The following KIRREL3 variants were observed in gnomAD, a reference collection of about 807,000 sequenced individuals.
KIRREL3 encodes the protein kirre like nephrin family adhesion molecule 3.
In KIRREL3, 36 loss-of-function variants were observed where a neutral mutation model predicts 89.7. The observed-to-expected ratio is 0.40, with a 90% CI of 0.31 to 0.53. The LOEUF (loss-of-function observed/expected upper bound fraction) is 0.53. Among genes scored for constraint, KIRREL3 ranks in the 20% least tolerant of loss-of-function variants. The pLI is 0.49. For synonymous variants in KIRREL3, 445 were observed against 441.4 expected (o/e 1.01, Z -0.10); for missense variants, 864 against 1,056.6 (o/e 0.82, Z 2.53).
chr11:126,761,001 A>G lies in KIRREL3; in HGVS notation c.56-198089T>C, dbSNP rs1028879743. On this transcript the variant is annotated intron_variant, in intron 1 of 16. Transcript: ENST00000525144. This position sits in a 1 kb window ranked among gnomAD's most constrained non-coding sequence, Gnocchi z 4.4. ...TCCACTGACACCCTCCAGGACAGAT[A>G]CCGTTAAACATAAATGAAAGAGGGA... Among the ~76,000 whole-genome samples, 1 of 152,212 alleles carries G rather than the reference A, an allele frequency of 6.6e-6. No homozygotes were observed. Among genetic ancestry groups the G allele is most frequent in the Non-Finnish European group, 1.5e-5 (1 of 68,042 alleles).
At chr11:126,540,328 A>G (rs887182219) in intron 2 of KIRREL3, among the ~76,000 whole-genome samples, 4 of 152,184 alleles carry the variant, frequency 2.6e-5, no homozygotes, top group African/African-American at 9.6e-5. Context: ...TGCTCTTCCC[A>G]GGGCTGGATG....
intron 1 of KIRREL3, among the ~76,000 whole-genome samples, chr11:126,781,636 T>G (rs999632370): frequency 2.6e-5 from 4 of 152,236 alleles, no homozygotes; most frequent in African/African-American, 9.6e-5. Flanking sequence ...TAAAAACATT[T>G]ATTCTCTTAC....
At position 126,656,204 on chromosome 11, in the gene KIRREL3, GACTCCGAAGTCAGA is replaced by G. The variant is rs1945129989; in HGVS notation, c.56-93306_56-93293del. The G allele has an allele frequency of 2.2e-6, 1 of 455,944 alleles. No homozygotes were observed. The highest frequency in any genetic ancestry group is 4.4e-6 in the Non-Finnish European group (1 of 226,862). The allele number at this position is 455,944 out of a possible 1,614,324, so 28.2% of individuals were successfully genotyped here. ...AGGTCAGGGAGGGCTACAGAGTTAG[GACTCCGAAGTCAGA>G]AAGATGCCTGTTGGTTCTGCCGTTC... On this transcript the variant is annotated intron_variant, in intron 1 of 16. Transcript: ENST00000525144. This position sits in a 1 kb window ranked among gnomAD's most constrained non-coding sequence, Gnocchi z 4.0.
chr11:126,478,744 AGT>A (rs368396850), intron 4 of KIRREL3, among the ~76,000 whole-genome samples: 1,529 of 151,002 alleles, frequency 0.01, 15 homozygotes, highest in African/African-American at 0.03. Flanking sequence ...TGTGTATGTA[AGT>A]GTGTGTGTGT....
chr11:126,500,573 C>T (rs1158386068), intron 4 of KIRREL3, among the ~76,000 whole-genome samples: 1 of 152,128 alleles, frequency 6.6e-6, no homozygotes, highest in Admixed American at 6.5e-5. Flanking sequence ...AACCCCGTCT[C>T]TACAAAAAGT....
intron 1 of KIRREL3, among the ~76,000 whole-genome samples, chr11:126,929,986 T>C (rs1947877151): frequency 6.6e-6 from 1 of 151,384 alleles, no homozygotes; most frequent in African/African-American, 2.4e-5. Context: ...CAAGTACACT[T>C]GAGGGAGGAG....
intron 1 of KIRREL3, among the ~76,000 whole-genome samples, chr11:126,690,136 C>A (rs996351790): frequency 1.3e-5 from 2 of 152,182 alleles, no homozygotes; most frequent in Admixed American, 6.5e-5. Flanking sequence ...TGCACTACTT[C>A]AGAATGGGAC....
At position 126,656,195 on chromosome 11, in the gene KIRREL3, C is replaced by T. The variant is rs1467689887; in HGVS notation, c.56-93283G>A. ...AGGTGAGTGAGGTCAGGGAGGGCTA[C>T]AGAGTTAGGACTCCGAAGTCAGAAA... On this transcript the variant is annotated intron_variant, in intron 1 of 16. Coordinates refer to ENST00000525144, the MANE Select transcript of KIRREL3 (RefSeq NM_032531.4). The surrounding 1 kb of genome is among the most constrained non-coding windows in gnomAD (Gnocchi z 4.0). The T allele has an allele frequency of 2.2e-6, 1 of 456,154 alleles. No homozygotes were observed. Among genetic ancestry groups the T allele is most frequent in the Admixed American group, 2.3e-5 (1 of 42,572 alleles). The allele number at this position is 456,154 out of a possible 1,614,324, so 28.3% of individuals were successfully genotyped here.
chr11:126,708,639 G>A lies in KIRREL3; in HGVS notation c.56-145727C>T, dbSNP rs935501413. 6.6e-6 allele frequency among the ~76,000 whole-genome samples: 1 copy of A among 152,162 alleles called. No individual in the cohort carries two copies. Among genetic ancestry groups the A allele is most frequent in the African/African-American group, 2.4e-5 (1 of 41,434 alleles). ...GTCCAGGAGAGGCACCGGCGAACTCGAGAGCCAAGAGCGGCACTCCCACCT... is the reference window on the plus strand; with the variant it reads ...GTCCAGGAGAGGCACCGGCGAACTCAAGAGCCAAGAGCGGCACTCCCACCT... On this transcript the variant is annotated intron_variant, in intron 1 of 16. Coordinates refer to ENST00000525144, the MANE Select transcript of KIRREL3 (RefSeq NM_032531.4). The surrounding 1 kb of genome is among the most constrained non-coding windows in gnomAD (Gnocchi z 5.7).
At chr11:126,792,692 C>T (rs960531111) in intron 1 of KIRREL3, among the ~76,000 whole-genome samples, 39 of 152,226 alleles carry the variant, frequency 2.6e-4, no homozygotes, top group African/African-American at 8.2e-4. Flanking sequence ...GCACACAATG[C>T]GATTAACAAT....
intron 1 of KIRREL3, among the ~76,000 whole-genome samples, chr11:126,968,208 C>T (rs1021946978): frequency 6.6e-6 from 1 of 152,130 alleles, no homozygotes; most frequent in Admixed American, 6.6e-5. Context: ...AGCTGACAAA[C>T]ATGCTTCTGT....
At chr11:126,648,612 T>A (rs1367389817) in intron 1 of KIRREL3, among the ~76,000 whole-genome samples, 1 of 152,240 alleles carries the variant, frequency 6.6e-6, no homozygotes, top group Non-Finnish European at 1.5e-5. Flanking sequence ...GTCAGCCCCA[T>A]GAAGTCTTAG....
rs1946816213 is a variant in KIRREL3 at position 126,689,974 on chromosome 11, C to T, written c.56-127062G>A. Among the ~76,000 whole-genome samples, 1 of 152,150 alleles carries T rather than the reference C, an allele frequency of 6.6e-6. No individual in the cohort carries two copies. The highest frequency in any genetic ancestry group is 2.1e-4 in the South Asian group (1 of 4,824). ...TGCTTCTTTTAGACCCTATTTGTCT[C>T]CCGGCCTCACACTGCCTTCCTCTTG... On this transcript the variant is annotated intron_variant, in intron 1 of 16. Transcript: ENST00000525144. This position sits in a 1 kb window ranked among gnomAD's most constrained non-coding sequence, Gnocchi z 5.2.
rs1294509880 is a variant in KIRREL3 at position 126,526,124 on chromosome 11, G to C, written c.283+414C>G. On this transcript the variant is annotated intron_variant, in intron 3 of 16. Coordinates refer to ENST00000525144, the MANE Select transcript of KIRREL3 (RefSeq NM_032531.4). The surrounding 1 kb of genome is among the most constrained non-coding windows in gnomAD (Gnocchi z 5.7). ...CAGTTTACTTGGTTCCCTTTAATGG[G>C]TGAGAAGCCTGGAAGAACCAGGTTG... Among the ~76,000 whole-genome samples the C allele has an allele frequency of 1.3e-5, 2 of 152,198 alleles. No individual in the cohort carries two copies. The highest frequency in any genetic ancestry group is 4.8e-5 in the African/African-American group (2 of 41,442).
chr11:126,527,987 G>A lies in KIRREL3; in HGVS notation c.134-1300C>T, dbSNP rs775378531. On this transcript the variant is annotated intron_variant, in intron 2 of 16. Coordinates refer to ENST00000525144, the MANE Select transcript of KIRREL3 (RefSeq NM_032531.4). This position sits in a 1 kb window ranked among gnomAD's most constrained non-coding sequence, Gnocchi z 4.2. Reference sequence around the variant, plus strand: ...ACCAGTACTTCATACAACCCCTCCTGTAATCCACTTAATTATACTTCAGGG... The same window carrying A: ...ACCAGTACTTCATACAACCCCTCCTATAATCCACTTAATTATACTTCAGGG... 6.6e-6 allele frequency among the ~76,000 whole-genome samples: 1 copy of A among 152,132 alleles called. No individual in the cohort carries two copies. The highest frequency in any genetic ancestry group is 1.5e-5 in the Non-Finnish European group (1 of 68,012).
chr11:126,741,851 A>G (rs1369411516), intron 1 of KIRREL3, among the ~76,000 whole-genome samples: 2 of 152,244 alleles, frequency 1.3e-5, no homozygotes, highest in Admixed American at 6.5e-5. Flanking sequence ...TCCCAAATGA[A>G]GAAACTGAAG....
At position 126,640,904 on chromosome 11, in the gene KIRREL3, C is replaced by T. The variant is rs1006428137; in HGVS notation, c.56-77992G>A. On this transcript the variant is annotated intron_variant, in intron 1 of 16. Transcript: ENST00000525144. This position sits in a 1 kb window ranked among gnomAD's most constrained non-coding sequence, Gnocchi z 4.9. ...TCAATCTTATGGCTTTAAACACCGA[C>T]TCTACTCTGATGTCTCTCAATTTTG... 5.9e-5 allele frequency among the ~76,000 whole-genome samples: 9 copies of T among 152,186 alleles called. No individual in the cohort carries two copies. Among genetic ancestry groups the T allele is most frequent in the African/African-American group, 2.2e-4 (9 of 41,432 alleles).
In KIRREL3 at chr11:126,776,770, T is replaced by A. The variant is rs1319057835; in HGVS notation, c.56-213858A>T. On this transcript the variant is annotated intron_variant, in intron 1 of 16. Coordinates refer to ENST00000525144, the MANE Select transcript of KIRREL3 (RefSeq NM_032531.4). This position sits in a 1 kb window ranked among gnomAD's most constrained non-coding sequence, Gnocchi z 4.7. Reference sequence around the variant, plus strand: ...TTCTTTCACCAAGTCCTCTCCCTGCTGCTCTTTCCCATGGGAAGGGAGCAT... The same window carrying A: ...TTCTTTCACCAAGTCCTCTCCCTGCAGCTCTTTCCCATGGGAAGGGAGCAT... 6.6e-6 allele frequency among the ~76,000 whole-genome samples: 1 copy of A among 152,174 alleles called. No individual in the cohort carries two copies. Among genetic ancestry groups the A allele is most frequent in the Non-Finnish European group, 1.5e-5 (1 of 68,036 alleles).
In KIRREL3 at chr11:126,896,737, G is replaced by A. The variant is rs1015518474; in HGVS notation, c.55+103718C>T. 2.0e-5 allele frequency among the ~76,000 whole-genome samples: 3 copies of A among 152,124 alleles called. No individual in the cohort carries two copies. The highest frequency in any genetic ancestry group is 4.4e-5 in the Non-Finnish European group (3 of 68,028). ...GTTCCATGGCCACAGCAAGCTCTCT[G>A]GCAGCCTCTGACCTGTGGAGATTCA... On this transcript the variant is annotated intron_variant, in intron 1 of 16. Coordinates refer to ENST00000525144, the MANE Select transcript of KIRREL3 (RefSeq NM_032531.4). This position sits in a 1 kb window ranked among gnomAD's most constrained non-coding sequence, Gnocchi z 4.1.
Sources: gnomAD v4.1 joint callset for allele counts (sites outside exome capture counted in the v4.1 genomes callset) on GRCh38, gnomAD v4.1.1 for gene constraint, Gnocchi (gnomAD v3.1) non-coding constraint, MANE v1.5 for transcripts, NCBI Gene and HGNC (gene_info 2026-07-23, HGNC 2026-07-21) for gene names.